Variants in CDH9 observed in about 807,000 individuals in gnomAD.
CDH9 encodes the protein cadherin 9.
Under a neutral mutation model 70.9 loss-of-function variants are expected in CDH9, and 28 were observed. The observed-to-expected ratio is 0.40, with a 90% CI of 0.29 to 0.54. CDH9 has a LOEUF of 0.54. Among genes scored for constraint, CDH9 ranks in the 20% least tolerant of loss-of-function variants. The probability of loss-of-function intolerance (pLI) is 0.59; values close to 1 mark genes in which losing one functional copy is unlikely to be tolerated. For missense variants in CDH9, 874 were observed against 984.4 expected (o/e 0.89, Z 1.50); for synonymous variants, 409 against 343.1 (o/e 1.19, Z -2.12).
intron 2 of CDH9, among the ~76,000 whole-genome samples, chr5:26,978,512 T>C (rs10942228): frequency 0.47 from 71,643 of 151,354 alleles, 17,774 homozygotes; most frequent in African/African-American, 0.52. Context: ...AACTATGGGA[T>C]GATATGAAAT....
chr5:26,961,603 G>A (rs1188732694), intron 2 of CDH9, among the ~76,000 whole-genome samples: 1 of 151,720 alleles, frequency 6.6e-6, no homozygotes. Flanking sequence ...TCCTCATCTT[G>A]GTTGTTTTCC....
Position 26,889,928 on chromosome 5 carries a change from C to A in CDH9, c.1420G>T (p.Val474Phe). 6.2e-7 allele frequency: 1 copy of A among 1,607,890 alleles called. No homozygotes were observed. The highest frequency in any genetic ancestry group is 8.5e-7 in the Non-Finnish European group (1 of 1,175,814). The change falls in exon 9 of 12, where the codon GTC (valine) becomes TTC (phenylalanine). Residue 474 changes from valine (V) to phenylalanine (F), a missense_variant. Physicochemically the swap from Val to Phe is conservative, Grantham distance 50. Coordinates refer to ENST00000231021, the MANE Select transcript of CDH9 (RefSeq NM_016279.4). ...NNPKQSSHIP[V>F]FIRILDINDH... ...TTTATATCTAGAATTCTGATGAAGA[C>A]AGGGATGTGGCTACTTTGTTTTGGG...
At chr5:26,932,862 G>A (rs1380613445) in intron 2 of CDH9, among the ~76,000 whole-genome samples, 1 of 151,196 alleles carries the variant, frequency 6.6e-6, no homozygotes, top group African/African-American at 2.4e-5. Context: ...TTCCTGCCTT[G>A]TCTAGGTATA....
At chr5:27,035,674 A>ATGTG (rs201793026) in intron 1 of CDH9, among the ~76,000 whole-genome samples, 35 of 112,090 alleles carry the variant, frequency 3.1e-4, no homozygotes, top group African/African-American at 1.2e-3. Flanking sequence ...ATTGCTATTG[A>ATGTG]CGTGTGTGTG....
chr5:26,989,286 T>C (rs1041866663), intron 1 of CDH9, among the ~76,000 whole-genome samples: 1 of 152,088 alleles, frequency 6.6e-6, no homozygotes, highest in Non-Finnish European at 1.5e-5. Context: ...TTGGTTTTAA[T>C]TTGTATGATA....
intron 9 of CDH9, among the ~76,000 whole-genome samples, chr5:26,887,952 G>C (rs1231624382): frequency 6.6e-6 from 1 of 152,104 alleles, no homozygotes; most frequent in Non-Finnish European, 1.5e-5. Context: ...GCCCTGCTGC[G>C]TGTTAATTTT....
intron 2 of CDH9, among the ~76,000 whole-genome samples, chr5:26,976,558 C>T (rs1310295081): frequency 6.6e-6 from 1 of 152,084 alleles, no homozygotes; most frequent in Admixed American, 6.6e-5. Context: ...CCACCTCAGC[C>T]TCCCAAAGAG....
At position 26,891,989 on chromosome 5, in the gene CDH9, G is replaced by A. The variant is rs560221555; in HGVS notation, c.1254-1425C>T. ...AAGCAATTCCCTGCCTAGAATATACGGAAAGAAATATGGCCCTGTTCACAC... is the reference window on the plus strand; with the variant it reads ...AAGCAATTCCCTGCCTAGAATATACAGAAAGAAATATGGCCCTGTTCACAC... On this transcript the variant is annotated intron_variant, in intron 7 of 11. Coordinates refer to ENST00000231021, the MANE Select transcript of CDH9 (RefSeq NM_016279.4). Among the ~76,000 whole-genome samples, 10 of 152,092 alleles carry A rather than the reference G, an allele frequency of 6.6e-5. No individual in the cohort carries two copies. The South Asian group carries it at 1.5e-3, about 22-fold the overall frequency.
At chr5:26,915,258 A>G (rs1195999435) in intron 3 of CDH9, among the ~76,000 whole-genome samples, 1 of 152,048 alleles carries the variant, frequency 6.6e-6, no homozygotes, top group Non-Finnish European at 1.5e-5. Flanking sequence ...TGCCAAATGC[A>G]AGCATTGTTA....
rs764920066 is a variant in CDH9, at chr5:26,902,741, T to C, written c.1000-12A>G. 1 of 1,475,392 alleles carries C rather than the reference T, an allele frequency of 6.8e-7. No individual in the cohort carries two copies. Among genetic ancestry groups the C allele is most frequent in the Non-Finnish European group, 9.4e-7 (1 of 1,059,920 alleles). 91.4% of individuals were successfully genotyped at this position (1,475,392 alleles called of 1,614,324 possible). ...TCAAAATCTAAATTCTGGAGTTAAA[T>C]AACATAAAAGAAATTAGCATAATTC... On this transcript the variant is annotated splice_polypyrimidine_tract_variant and intron_variant, in intron 6 of 11. Coordinates refer to ENST00000231021, the MANE Select transcript of CDH9 (RefSeq NM_016279.4).
Position 26,915,742 on chromosome 5 carries a change from C to A in CDH9, c.411G>T (p.Arg137=), listed in dbSNP as rs1292467358. Residue 137 remains arginine, a synonymous_variant, in exon 3 of 12, where the codon CGG becomes CGT. Coordinates refer to ENST00000231021, the MANE Select transcript of CDH9 (RefSeq NM_016279.4). ...TAAATTCCGATTCCGGTTCCACCTG[C>A]CGCCCAGTTTTTCTGTCTATAGCCT... ...RAKAIDRKTG[R]QVEPESEFII... 6.2e-7 allele frequency: 1 copy of A among 1,613,564 alleles called. No individual in the cohort carries two copies. The highest frequency in any genetic ancestry group is 8.5e-7 in the Non-Finnish European group (1 of 1,179,560).
intron 1 of CDH9, chr5:27,028,358 G>C (rs1052053012): frequency 1.3e-5 from 2 of 150,034 alleles, no homozygotes; most frequent in African/African-American, 4.9e-5. Context: ...CAGCCTGGGC[G>C]ACAGAATGAG....
chr5:26,916,750 G>T (rs1056801432), intron 2 of CDH9, among the ~76,000 whole-genome samples: 2 of 148,972 alleles, frequency 1.3e-5, no homozygotes, highest in Non-Finnish European at 3.0e-5. Context: ...TATTCAGAGA[G>T]ACTAATCAGA....
rs540810930 is a variant in CDH9 at position 26,939,761 on chromosome 5, A to G, written c.229-23837T>C. On this transcript the variant is annotated intron_variant, in intron 2 of 11. Transcript: ENST00000231021. The stretch of plus-strand genomic sequence containing the variant: ...TATCCTAATTATGTTTTATTAAAAT[A>G]AGAACAATAATATACCATAGAGAAT... 5.3e-5 allele frequency among the ~76,000 whole-genome samples: 8 copies of G among 152,314 alleles called. No homozygotes were observed. The East Asian group carries it at 1.5e-3, about 29-fold the overall frequency.
chr5:26,973,379 G>A (rs1305418619), intron 2 of CDH9, among the ~76,000 whole-genome samples: 2 of 152,016 alleles, frequency 1.3e-5, no homozygotes, highest in Non-Finnish European at 2.9e-5. Flanking sequence ...CTGATTGCAT[G>A]AACGTATCAT....
intron 3 of CDH9, among the ~76,000 whole-genome samples, chr5:26,910,032 T>A (rs964704586): frequency 3.3e-5 from 5 of 151,980 alleles, no homozygotes; most frequent in Admixed American, 3.3e-4. Flanking sequence ...TATTTACACA[T>A]CATATTAGAG....
intron 2 of CDH9, among the ~76,000 whole-genome samples, chr5:26,975,180 T>C (rs879727446): frequency 1.8e-4 from 27 of 152,234 alleles, no homozygotes; most frequent in Non-Finnish European, 3.4e-4. Flanking sequence ...CTTGAGACAT[T>C]GTTACCAGAA....
Position 26,917,312 on chromosome 5 carries a change from T to C in CDH9, c.229-1388A>G, listed in dbSNP as rs1328502243. On this transcript the variant is annotated intron_variant, in intron 2 of 11. Transcript: ENST00000231021. ...CAGATGGGAGATATTGATCAAGGAA[T>C]GCAAAATTTTATTTATTCAGGAGTA... Among the ~76,000 whole-genome samples, 4 of 152,110 alleles carry C rather than the reference T, an allele frequency of 2.6e-5. No homozygotes were observed. The East Asian group carries it at 7.7e-4, about 29-fold the overall frequency.
intron 1 of CDH9, among the ~76,000 whole-genome samples, chr5:27,005,458 C>T (rs552760402): frequency 6.6e-6 from 1 of 152,046 alleles, no homozygotes; most frequent in Admixed American, 6.6e-5. Flanking sequence ...AAATCAAAAC[C>T]ACAATAAGAC....
Sources: gnomAD v4.1 joint callset for allele counts (sites outside exome capture counted in the v4.1 genomes callset) on GRCh38, gnomAD v4.1.1 for gene constraint, MANE v1.5 for transcripts, NCBI Gene and HGNC (gene_info 2026-07-23, HGNC 2026-07-21) for gene names.